The following VPS50 variants were observed in gnomAD, a reference collection of about 807,000 sequenced individuals.
VPS50 encodes VPS50 subunit of EARP/GARPII complex.
A neutral mutation model predicts 139.7 loss-of-function variants in VPS50; 70 were observed. The observed-to-expected ratio is 0.50, with a 90% CI of 0.41 to 0.61. VPS50 has a LOEUF of 0.61. Ranked by LOEUF, VPS50 falls within the 20% of genes least tolerant of loss-of-function variation. The pLI is 0.00. For synonymous variants in VPS50, 365 were observed against 376.7 expected (o/e 0.97, Z 0.36); for missense variants, 921 against 1,133.7 (o/e 0.81, Z 2.69).
At chr7:93,271,022 TTGC>T in intron 9 of VPS50, 195 bp from the exon 10 acceptor site, 1 of 710,250 alleles carries the variant, frequency 1.4e-6, no homozygotes, top group Non-Finnish European at 1.9e-6. Flanking sequence ...CGCAATCCTG[TTGC>T]TGCTGCTAAT....
rs1184002340 is a variant in VPS50, at chr7:93,280,337, T to TA, written c.942+4039dup. 6.6e-5 allele frequency among the ~76,000 whole-genome samples: 10 copies of TA among 152,174 alleles called. No homozygotes were observed. In the Middle Eastern group the frequency reaches 0.01, roughly 155 times the overall value. On this transcript the variant is annotated intron_variant, in intron 12 of 27. Coordinates refer to ENST00000305866, the MANE Select transcript of VPS50 (RefSeq NM_017667.4). Reference sequence around the variant, plus strand: ...ACACTAGCTGTTTAGGTTCTTTTTTTAAAAAAAGTAGGTACATTATTTTGA... The same window carrying TA: ...ACACTAGCTGTTTAGGTTCTTTTTTTAAAAAAAAGTAGGTACATTATTTTGA...
Position 93,272,614 on chromosome 7 carries a change from CT to C in VPS50, c.703-19del. 1 of 1,079,156 alleles carries C rather than the reference CT, an allele frequency of 9.3e-7. No homozygotes were observed. The highest frequency in any genetic ancestry group is 1.4e-6 in the Non-Finnish European group (1 of 733,982). 66.8% of individuals were successfully genotyped at this position (1,079,156 alleles called of 1,614,324 possible). ...AACATAATTCCTTAACCATGTCTTG[CT>C]TCTTCTTTTAATTATATAGGAACAG... On this transcript the variant is annotated intron_variant, in intron 10 of 27. Transcript: ENST00000305866.
chr7:93,258,653 G>C (rs763441201), intron 8 of VPS50, among the ~76,000 whole-genome samples: 2 of 151,878 alleles, frequency 1.3e-5, no homozygotes, highest in Admixed American at 1.3e-4. Context: ...TTTGTATTGC[G>C]TCCAAATAGC....
At chr7:93,271,074 G>T (rs973490755) in intron 9 of VPS50, 146 bp from the exon 10 acceptor site, 2 of 1,261,452 alleles carry the variant, frequency 1.6e-6, no homozygotes, top group African/African-American at 1.6e-5. Context: ...TTATTGCATT[G>T]TCTATATGTA....
intron 2 of VPS50, among the ~76,000 whole-genome samples, chr7:93,249,301 A>AC (rs1250399903): frequency 2.0e-5 from 3 of 152,032 alleles, no homozygotes; most frequent in African/African-American, 7.2e-5. Context: ...TTTGAGAGAG[A>AC]CACAGAGAGA....
chr7:93,339,450 CATTT>C (rs1798154802), intron 22 of VPS50, among the ~76,000 whole-genome samples: 2 of 151,924 alleles, frequency 1.3e-5, no homozygotes, highest in African/African-American at 4.8e-5. Context: ...TTTGATGTCT[CATTT>C]ATTCATATGG....
At chr7:93,320,080 T>C (rs908352300) in intron 20 of VPS50, among the ~76,000 whole-genome samples, 3 of 152,102 alleles carry the variant, frequency 2.0e-5, no homozygotes, top group Non-Finnish European at 4.4e-5. Context: ...ATTAGCTATT[T>C]AGATTTAAAA....
At chr7:93,321,010 A>T (rs191350900) in intron 20 of VPS50, 2 of 152,258 alleles carry the variant, frequency 1.3e-5, no homozygotes, top group African/African-American at 4.8e-5. Flanking sequence ...AAATGTTTTG[A>T]GCTGCTGGCT....
intron 12 of VPS50, chr7:93,276,551 G>T (rs1290238926): frequency 2.2e-6 from 1 of 462,002 alleles, no homozygotes; most frequent in Non-Finnish European, 3.5e-6. Flanking sequence ...CCATTTCATA[G>T]CTTCTTTTAC....
At chr7:93,275,204 A>G (rs920253454) in intron 11 of VPS50, among the ~76,000 whole-genome samples, 3 of 152,196 alleles carry the variant, frequency 2.0e-5, no homozygotes, top group Non-Finnish European at 2.9e-5. Flanking sequence ...TTGAAATAAC[A>G]AGAAATAATT....
At chr7:93,333,621 T>C (rs1797995480) in intron 21 of VPS50, among the ~76,000 whole-genome samples, 1 of 152,200 alleles carries the variant, frequency 6.6e-6, no homozygotes, top group Admixed American at 6.5e-5. Flanking sequence ...TGAATAGATT[T>C]CTATCTATAC....
chr7:93,343,409 G>A (rs2117066403), intron 23 of VPS50, among the ~76,000 whole-genome samples: 1 of 152,306 alleles, frequency 6.6e-6, no homozygotes, highest in East Asian at 1.9e-4. Context: ...AAGACACTCT[G>A]CAGGATATTA....
chr7:93,332,188 A>G (rs1322064812), intron 21 of VPS50, among the ~76,000 whole-genome samples: 1 of 152,230 alleles, frequency 6.6e-6, no homozygotes, highest in African/African-American at 2.4e-5. Context: ...AAAGTCCAAG[A>G]TCAAGGTGGT....
At chr7:93,258,652 C>T (rs1000191947) in intron 8 of VPS50, among the ~76,000 whole-genome samples, 23 of 151,968 alleles carry the variant, frequency 1.5e-4, no homozygotes, top group East Asian at 5.8e-4. Flanking sequence ...GTTTGTATTG[C>T]GTCCAAATAG....
chr7:93,357,864 A>ATTCT (rs966449010), intron 27 of VPS50, among the ~76,000 whole-genome samples: 1 of 152,136 alleles, frequency 6.6e-6, no homozygotes, highest in African/African-American at 2.4e-5. Flanking sequence ...GTATCTTAGA[A>ATTCT]GAGTTGTTCT....
At position 93,294,549 on chromosome 7, in the gene VPS50, G is replaced by A. The variant is rs772930534; in HGVS notation, c.1080G>A (p.Gly360=). 2 of 1,538,290 alleles carry A rather than the reference G, an allele frequency of 1.3e-6. No individual in the cohort carries two copies. Among genetic ancestry groups the A allele is most frequent in the Admixed American group, 2.2e-5 (1 of 46,288 alleles). ...TATATTGTCTTTTATTTTCAGAAGG[G>A]AGTAATATGATAGGTACTGAAGAAA... The part of the protein sequence containing the change: ...DNEDTASASE[G]SNMIGTEETN... The change falls in exon 14 of 28, where the codon GGG becomes GGA. Residue 360 remains glycine (G), a synonymous_variant. Transcript: ENST00000305866.
chr7:93,355,626 G>A (rs1194672553), intron 26 of VPS50, among the ~76,000 whole-genome samples: 1 of 152,134 alleles, frequency 6.6e-6, no homozygotes, highest in East Asian at 1.9e-4. Flanking sequence ...TGAATACAGA[G>A]ATCCGTGGTC....
intron 12 of VPS50, among the ~76,000 whole-genome samples, chr7:93,287,658 A>G (rs1796529805): frequency 6.6e-6 from 1 of 152,110 alleles, no homozygotes; most frequent in Non-Finnish European, 1.5e-5. Flanking sequence ...CTTAGATTAA[A>G]TTTGTTTGCA....
At chr7:93,317,150 A>G (rs571313458) in intron 20 of VPS50, among the ~76,000 whole-genome samples, 15 of 152,284 alleles carry the variant, frequency 9.9e-5, no homozygotes, top group Admixed American at 5.2e-4. Context: ...GCCTATCAAG[A>G]AGAAAGAAGG....
Sources: allele counts gnomAD v4.1 joint callset (sites outside exome capture counted in the v4.1 genomes callset), GRCh38; gene constraint gnomAD v4.1.1; transcripts MANE v1.5; gene names NCBI Gene and HGNC (gene_info 2026-07-23, HGNC 2026-07-21).